Variants in COL24A1 observed in about 807,000 individuals in gnomAD.
The protein encoded by COL24A1 is collagen alpha-1(XXIV) chain.
COL24A1 carries 224 observed loss-of-function variants against 253.9 expected under a neutral mutation model. The ratio of observed to expected loss-of-function variants is 0.88; its 90% confidence interval spans 0.79 to 0.99. COL24A1 has a LOEUF of 0.99. Among genes scored for constraint, COL24A1 ranks in the 50% least tolerant of loss-of-function variants. COL24A1 has a pLI of 0.00. For missense variants in COL24A1, 2,131 were observed against 2,068.5 expected, an observed-to-expected ratio of 1.03 and a Z score of -0.59; for synonymous variants, 685 against 673.7, an observed-to-expected ratio of 1.02 and a Z score of -0.26.
Position 85,730,390 on chromosome 1 carries a change from C to G in COL24A1, c.*156G>C. 1.5e-6 allele frequency: 1 copy of G among 669,062 alleles called. No homozygotes were observed. Among genetic ancestry groups the G allele is most frequent in the Non-Finnish European group, 2.3e-6 (1 of 426,376 alleles). The allele number at this position is 669,062 out of a possible 1,614,324, so 41.4% of individuals were successfully genotyped here. On this transcript the variant is annotated 3_prime_UTR_variant, in exon 60 of 60. Transcript: ENST00000370571. The stretch of plus-strand genomic sequence containing the variant: ...ATAGTCCTTTAAAAATGCCTTTTCT[C>G]CTTCTTAGGAGGAAGTCTGTTCTTC...
At chr1:85,879,729 C>G (rs1210228477) in intron 32 of COL24A1, among the ~76,000 whole-genome samples, 2 of 152,124 alleles carry the variant, frequency 1.3e-5, no homozygotes, top group Non-Finnish European at 2.9e-5. Flanking sequence ...AGTAGAGCAT[C>G]ATCAAGATCT....
chr1:86,140,244 A>T (rs1252304892), intron 2 of COL24A1, among the ~76,000 whole-genome samples: 1 of 152,204 alleles, frequency 6.6e-6, no homozygotes, highest in Non-Finnish European at 1.5e-5. Context: ...GCTCAAGGTC[A>T]GTTAGCTAAT....
intron 7 of COL24A1, among the ~76,000 whole-genome samples, chr1:86,079,660 A>T (rs536375748): frequency 3.9e-5 from 6 of 152,328 alleles, no homozygotes; most frequent in South Asian, 4.1e-4. Context: ...TCAAAATGAG[A>T]CAAGGAAATG....
At chr1:85,899,844 T>C (rs932513220) in intron 28 of COL24A1, among the ~76,000 whole-genome samples, 2 of 152,290 alleles carry the variant, frequency 1.3e-5, no homozygotes, top group Admixed American at 1.3e-4. Flanking sequence ...TCCCACTTTT[T>C]AAGATGAAGA....
At chr1:85,833,631 A>G (rs547052777) in intron 43 of COL24A1, among the ~76,000 whole-genome samples, 2,462 of 152,268 alleles carry the variant, frequency 0.016, 61 homozygotes, top group African/African-American at 0.056. Context: ...TACCCAAAGG[A>G]TTATAAATCA....
chr1:86,121,964 T>C (rs1465732875), intron 3 of COL24A1, among the ~76,000 whole-genome samples: 1 of 152,046 alleles, frequency 6.6e-6, no homozygotes, highest in Non-Finnish European at 1.5e-5. Flanking sequence ...AATTGTTACT[T>C]AAAAGTAGGA....
intron 53 of COL24A1, among the ~76,000 whole-genome samples, chr1:85,764,119 T>G (rs896937570): frequency 6.6e-6 from 1 of 152,092 alleles, no homozygotes; most frequent in African/African-American, 2.4e-5. Flanking sequence ...CTGGCTCAGT[T>G]GCACAGAGCT....
intron 47 of COL24A1, among the ~76,000 whole-genome samples, chr1:85,803,429 CAAA>C (rs35026268): frequency 6.1e-5 from 7 of 115,486 alleles, no homozygotes; most frequent in African/African-American, 1.0e-4. Context: ...GACTCCATCT[CAAA>C]AAAAAAAAAA....
chr1:85,914,304 ATGTGTGTG>A (rs71078628), intron 24 of COL24A1, among the ~76,000 whole-genome samples: 5,072 of 139,224 alleles, frequency 0.036, 134 homozygotes, highest in African/African-American at 0.069. Context: ...TTTGTCATGA[ATGTGTGTG>A]TGTGTGTGTG....
At position 86,126,069 on chromosome 1, in the gene COL24A1, A is replaced by T. The variant is rs777942159; in HGVS notation, c.267T>A (p.Tyr89Ter). 6 of 1,613,496 alleles carry T rather than the reference A, an allele frequency of 3.7e-6. No individual in the cohort carries two copies. The South Asian group carries it at 6.6e-5, about 18-fold the overall frequency. ...AAATTTTCACGAAAGGTGTCTCGAT[A>T]TAAGCATCATTTTTAAAAATGACTC... ...ESGVIFKNDA[Y>*]IETPFVKILP... The change falls in exon 3 of 60, where the codon TAT (tyrosine) becomes TAA (stop). Residue 89 changes from tyrosine to a stop codon, truncating the protein, a stop_gained. Coordinates refer to ENST00000370571, the MANE Select transcript of COL24A1 (RefSeq NM_152890.7). LOFTEE classifies it high-confidence loss of function.
chr1:85,987,980 C>G (rs556042227), intron 19 of COL24A1, among the ~76,000 whole-genome samples: 2 of 151,726 alleles, frequency 1.3e-5, no homozygotes, highest in Non-Finnish European at 3.0e-5. Context: ...CTTTCAACAT[C>G]ATATGGGATA....
chr1:85,832,615 G>A (rs1367546573), intron 43 of COL24A1, among the ~76,000 whole-genome samples: 1 of 150,566 alleles, frequency 6.6e-6, no homozygotes, highest in African/African-American at 2.5e-5. Flanking sequence ...GCAGTGGTTT[G>A]TAGTTCTCCT....
intron 38 of COL24A1, among the ~76,000 whole-genome samples, chr1:85,848,691 C>T (rs1677414085): frequency 6.6e-6 from 1 of 152,130 alleles, no homozygotes; most frequent in Non-Finnish European, 1.5e-5. Context: ...TAAGTGAGAA[C>T]CAACCTGTTC....
At chr1:85,972,118 C>G (rs992508551) in intron 20 of COL24A1, among the ~76,000 whole-genome samples, 4 of 132,938 alleles carry the variant, frequency 3.0e-5, no homozygotes, top group Admixed American at 2.0e-4. Context: ...AAGTTCTGTT[C>G]TCCTAATTAT....
At position 86,089,213 on chromosome 1, in the gene COL24A1, A is replaced by C. The variant is rs766545980; in HGVS notation, c.1668T>G (p.Leu556=). 2 of 1,587,694 alleles carry C rather than the reference A, an allele frequency of 1.3e-6. No homozygotes were observed. The highest frequency in any genetic ancestry group is 2.0e-5 in the Admixed American group (1 of 51,156). ...TACCAGGGGGGCCCATTAATCCAGA[A>C]AGGCCTTGATCACCCTATAAACAAA... ...PVPGEKGDQG[L]SGLMGPPGMQ... is the part of the protein sequence containing the mutation. Residue 556 remains leucine (L), a synonymous_variant, in exon 7 of 60, where the codon CTT becomes CTG. Transcript: ENST00000370571.
chr1:86,056,868 A>AC (rs1348878562), intron 10 of COL24A1, among the ~76,000 whole-genome samples: 1 of 151,688 alleles, frequency 6.6e-6, no homozygotes, highest in Non-Finnish European at 1.5e-5. Flanking sequence ...AAAAAAAAAA[A>AC]CACAAAACAA....
chr1:85,839,002 C>A (rs912903711), intron 42 of COL24A1, among the ~76,000 whole-genome samples: 1 of 152,004 alleles, frequency 6.6e-6, no homozygotes, highest in Non-Finnish European at 1.5e-5. Context: ...GAGTTCGAGA[C>A]CAGCCTGGGC....
intron 24 of COL24A1, among the ~76,000 whole-genome samples, chr1:85,926,182 C>T (rs528008779): frequency 1.3e-5 from 2 of 152,276 alleles, no homozygotes; most frequent in African/African-American, 4.8e-5. Flanking sequence ...ACAACAGATG[C>T]TGGAGAGGAT....
intron 24 of COL24A1, among the ~76,000 whole-genome samples, chr1:85,950,194 G>A (rs562173085): frequency 5.9e-5 from 9 of 152,208 alleles, no homozygotes; most frequent in Admixed American, 2.6e-4. Context: ...CACATAAAAA[G>A]CAAGAATTTT....
Sources: allele counts gnomAD v4.1 joint callset (sites outside exome capture counted in the v4.1 genomes callset), GRCh38; gene constraint gnomAD v4.1.1; transcripts MANE v1.5; gene names NCBI Gene and HGNC (gene_info 2026-07-23, HGNC 2026-07-21).